The following GRM5 variants were observed in gnomAD, a reference collection of about 807,000 sequenced individuals.
GRM5 encodes metabotropic glutamate receptor 5.
Under a neutral mutation model 83.1 loss-of-function variants are expected in GRM5, and 19 were observed. That is an observed-to-expected ratio of 0.23 (90% CI 0.16 to 0.34). The LOEUF (loss-of-function observed/expected upper bound fraction) is 0.34, where lower values mean the gene tolerates loss of function less well. Ranked by LOEUF, GRM5 falls within the 10% of genes least tolerant of loss-of-function variation. The pLI is 1.00. For synonymous variants in GRM5, 675 were observed against 633.6 expected (o/e 1.07, Z -0.98); for missense variants, 1,160 against 1,588.3 (o/e 0.73, Z 4.58).
chr11:88,527,214 A>G (rs1352640211), intron 8 of GRM5, among the ~76,000 whole-genome samples: 2 of 152,212 alleles, frequency 1.3e-5, no homozygotes, highest in African/African-American at 4.8e-5. Flanking sequence ...ATAATAAATT[A>G]TTGGTGGTCA....
chr11:88,960,300 A>T (rs1336706498), intron 2 of GRM5, among the ~76,000 whole-genome samples: 2 of 152,180 alleles, frequency 1.3e-5, no homozygotes, highest in Non-Finnish European at 2.9e-5. Context: ...ATTAACACAT[A>T]TTACAATTAC....
intron 2 of GRM5, among the ~76,000 whole-genome samples, chr11:88,862,911 A>C (rs1398017579): frequency 1.3e-5 from 2 of 152,200 alleles, no homozygotes; most frequent in African/African-American, 4.8e-5. Flanking sequence ...ACTTAAATAA[A>C]TTTACAAGAA....
intron 2 of GRM5, among the ~76,000 whole-genome samples, chr11:88,906,469 G>GA (rs944988462): frequency 6.7e-5 from 10 of 149,400 alleles, no homozygotes; most frequent in South Asian, 6.4e-4. Flanking sequence ...TCATCTGGGA[G>GA]AAAAAAAAAA....
chr11:88,715,668 T>C (rs1941385002), intron 3 of GRM5, among the ~76,000 whole-genome samples: 2 of 152,060 alleles, frequency 1.3e-5, no homozygotes, highest in South Asian at 4.1e-4. Context: ...CGGTGTACTG[T>C]GATTTCATTT....
chr11:88,794,823 A>G (rs971016444), intron 3 of GRM5, among the ~76,000 whole-genome samples: 1 of 152,248 alleles, frequency 6.6e-6, no homozygotes, highest in Admixed American at 6.5e-5. Flanking sequence ...AGTACATTTC[A>G]TAATAAATCT....
Position 88,509,077 on chromosome 11 carries a change from A to G in GRM5, c.3154T>C (p.Ser1052Pro). The G allele has an allele frequency of 6.4e-7, 1 of 1,551,782 alleles. No homozygotes were observed. The highest frequency in any genetic ancestry group is 8.7e-7 in the Non-Finnish European group (1 of 1,148,016). The change falls in exon 10 of 10, where the codon TCC becomes CCC. Residue 1052 changes from serine to proline, a missense_variant. Physicochemically the swap from Ser to Pro is moderately conservative, Grantham distance 74. Coordinates refer to ENST00000305447, the MANE Select transcript of GRM5 (RefSeq NM_001143831.3). The part of the protein sequence containing the change: ...LHSEPVARSS[S>P]SQGSLMEQIS... ...TGCTCCATGAGGGAGCCCTGCGAGG[A>G]GCTGCTGCGCGCCACAGGCTCCGAG...
At chr11:88,888,104 T>C (rs376122325) in intron 2 of GRM5, among the ~76,000 whole-genome samples, 1 of 152,088 alleles carries the variant, frequency 6.6e-6, no homozygotes, top group Non-Finnish European at 1.5e-5. Flanking sequence ...AAATACATAA[T>C]TGAGGTGATG....
Position 88,913,616 on chromosome 11 carries a change from G to A in GRM5, c.662-63461C>T, listed in dbSNP as rs112550651. Among the ~76,000 whole-genome samples the A allele has an allele frequency of 3.2e-3, 381 of 120,250 alleles. 1 individual carries two copies. The highest frequency in any genetic ancestry group is 0.011 in the African/African-American group (345 of 30,758). The allele number at this position is 120,250 out of a possible 152,430, so 78.9% of individuals were successfully genotyped here. ...TTTTTTTTTTTTTTTAGGTGGAGTC[G>A]TGCTTTGTCACCCAGGCTGGAGTGC... On this transcript the variant is annotated intron_variant, in intron 2 of 9. Transcript: ENST00000305447.
intron 8 of GRM5, among the ~76,000 whole-genome samples, chr11:88,546,713 A>C (rs1279615958): frequency 6.6e-6 from 1 of 152,072 alleles, no homozygotes; most frequent in Non-Finnish European, 1.5e-5. Context: ...CGTGGGGATA[A>C]ATTTCATGCT....
intron 2 of GRM5, among the ~76,000 whole-genome samples, chr11:88,994,997 T>C (rs1940131269): frequency 6.6e-6 from 1 of 152,288 alleles, no homozygotes; most frequent in African/African-American, 2.4e-5. Context: ...TACCTATAAA[T>C]TGCCAAACCC....
At chr11:88,763,339 A>C (rs1292412058) in intron 3 of GRM5, among the ~76,000 whole-genome samples, 2 of 151,788 alleles carry the variant, frequency 1.3e-5, no homozygotes, top group Non-Finnish European at 2.9e-5. Context: ...AAGACATAAC[A>C]ATGTCACTGA....
At chr11:88,773,587 C>A (rs1591505306) in intron 3 of GRM5, among the ~76,000 whole-genome samples, 2 of 152,078 alleles carry the variant, frequency 1.3e-5, no homozygotes, top group East Asian at 3.9e-4. Flanking sequence ...GGTTTTAGGT[C>A]TAACATTTAT....
At chr11:88,689,634 C>T (rs1393883874) in intron 3 of GRM5, among the ~76,000 whole-genome samples, 2 of 152,072 alleles carry the variant, frequency 1.3e-5, no homozygotes, top group Non-Finnish European at 2.9e-5. Flanking sequence ...TGTTGTTTTC[C>T]CTTTCATCCG....
chr11:88,605,717 T>A (rs1938123729), intron 4 of GRM5, among the ~76,000 whole-genome samples: 1 of 152,182 alleles, frequency 6.6e-6, no homozygotes, highest in Non-Finnish European at 1.5e-5. Context: ...AGGTAAAATC[T>A]ATAGAGGCCC....
chr11:88,637,276 A>G (rs1939156879), intron 4 of GRM5, among the ~76,000 whole-genome samples: 1 of 152,136 alleles, frequency 6.6e-6, no homozygotes, highest in African/African-American at 2.4e-5. Flanking sequence ...ACCAAAAGCA[A>G]TGGCAACAAA....
At chr11:88,812,372 T>C (rs964805895) in intron 3 of GRM5, among the ~76,000 whole-genome samples, 6 of 152,136 alleles carry the variant, frequency 3.9e-5, no homozygotes, top group Non-Finnish European at 7.4e-5. Context: ...CTTAGAATTA[T>C]AGAATGTTCC....
chr11:88,622,024 G>A (rs1938650402), intron 4 of GRM5, among the ~76,000 whole-genome samples: 1 of 152,174 alleles, frequency 6.6e-6, no homozygotes, highest in Non-Finnish European at 1.5e-5. Flanking sequence ...CCTCTTCTGA[G>A]TGTAGTGGCT....
At chr11:88,787,337 AT>A (rs953464290) in intron 3 of GRM5, among the ~76,000 whole-genome samples, 1 of 151,968 alleles carries the variant, frequency 6.6e-6, no homozygotes. Flanking sequence ...AAGAAATGAA[AT>A]TTTTTTATAT....
intron 3 of GRM5, among the ~76,000 whole-genome samples, chr11:88,740,469 G>T (rs1447850746): frequency 3.9e-5 from 6 of 151,958 alleles, no homozygotes; most frequent in Admixed American, 1.3e-4. Context: ...GTTGGGTACT[G>T]TTCTCAGTAT....
Sources: gnomAD v4.1 joint callset for allele counts (sites outside exome capture counted in the v4.1 genomes callset) on GRCh38, gnomAD v4.1.1 for gene constraint, MANE v1.5 for transcripts, NCBI Gene and HGNC (gene_info 2026-07-23, HGNC 2026-07-21) for gene names.